ELAPOR2: variants seen among roughly 807,000 people sequenced by gnomAD.
ELAPOR2 encodes endosome/lysosome-associated apoptosis and autophagy regulator family member 2.
ELAPOR2 carries 89 observed loss-of-function variants against 120.7 expected under a neutral mutation model. The observed-to-expected ratio is 0.74, with a 90% CI of 0.62 to 0.88. ELAPOR2 has a LOEUF of 0.88. ELAPOR2 is among the 40% of genes least tolerant of loss of function. ELAPOR2 has a pLI of 0.00. For missense variants in ELAPOR2, 1,134 were observed against 1,251.6 expected (o/e 0.91, Z 1.42); for synonymous variants, 444 against 444.9 (o/e 1.00, Z 0.03).
rs910682405 is a variant in ELAPOR2 at position 86,914,927 on chromosome 7, T to C, written c.1594-67A>G. Reference sequence around the variant, plus strand: ...CTCAACATTAATATACCTGTGTATATATTACAAATGTATTCATATTTAAAG... The same window carrying C: ...CTCAACATTAATATACCTGTGTATACATTACAAATGTATTCATATTTAAAG... On this transcript the variant is annotated intron_variant, in intron 12 of 21. Coordinates refer to ENST00000450689, the MANE Select transcript of ELAPOR2 (RefSeq NM_001142749.3). 19 of 1,212,598 alleles carry C rather than the reference T, an allele frequency of 1.6e-5. No individual in the cohort carries two copies. In the African/African-American group the frequency reaches 1.7e-4, roughly 11 times the overall value. 75.1% of individuals were successfully genotyped at this position (1,212,598 alleles called of 1,614,324 possible).
At chr7:86,948,640 A>G (rs939321160) in intron 2 of ELAPOR2, among the ~76,000 whole-genome samples, 2 of 151,958 alleles carry the variant, frequency 1.3e-5, no homozygotes, top group African/African-American at 4.8e-5. Flanking sequence ...TCTACCACCT[A>G]TATCTTATTT....
At chr7:86,998,802 A>T (rs963218016) in intron 1 of ELAPOR2, among the ~76,000 whole-genome samples, 4 of 152,102 alleles carry the variant, frequency 2.6e-5, no homozygotes, top group Non-Finnish European at 5.9e-5. Flanking sequence ...CCAAATTTTT[A>T]AAAAATCTAT....
chr7:86,904,344 G>A lies in ELAPOR2; in HGVS notation c.2558+3326C>T, dbSNP rs1788867317. The stretch of plus-strand genomic sequence containing the variant: ...GAGCCTTCAGTTCCTCTATCTCCCT[G>A]AGATAATGATTAGAGGTTTGGGAAG... On this transcript the variant is annotated intron_variant, in intron 18 of 21. Transcript: ENST00000450689. Among the ~76,000 whole-genome samples the A allele has an allele frequency of 2.0e-5, 3 of 152,294 alleles. No homozygotes were observed. In the South Asian group the frequency reaches 6.2e-4, roughly 32 times the overall value.
At chr7:87,024,298 C>T (rs1466257895) in intron 1 of ELAPOR2, among the ~76,000 whole-genome samples, 10 of 152,206 alleles carry the variant, frequency 6.6e-5, no homozygotes, top group South Asian at 4.1e-4. Flanking sequence ...TGTCAAAGGC[C>T]TTTTCTGCAT....
rs397698585 is a variant in ELAPOR2, at chr7:86,926,920, CAAA to C, written c.1090-7_1090-5del. The C allele has an allele frequency of 0.014, 11,864 of 876,500 alleles. No homozygotes were observed. Among genetic ancestry groups the C allele is most frequent in the East Asian group, 0.03 (659 of 21,628 alleles). The allele number at this position is 876,500 out of a possible 1,614,324, so 54.3% of individuals were successfully genotyped here. On this transcript the variant is annotated splice_polypyrimidine_tract_variant and splice_region_variant and intron_variant, in intron 8 of 21. Transcript: ENST00000450689. ...TCCACTTGTACATTATCTGTGTCTA[CAAA>C]AAAAAAAAAAAAAAAAAAGCAACCA...
At chr7:86,894,395 T>C (rs1296675066) in intron 19 of ELAPOR2, among the ~76,000 whole-genome samples, 2 of 152,044 alleles carry the variant, frequency 1.3e-5, no homozygotes, top group East Asian at 3.9e-4. Context: ...AGAAACAAAT[T>C]CGTCAGCAAA....
intron 1 of ELAPOR2, among the ~76,000 whole-genome samples, chr7:86,997,357 T>G (rs943998466): frequency 1.3e-5 from 2 of 152,190 alleles, no homozygotes; most frequent in African/African-American, 4.8e-5. Flanking sequence ...GTGCTAAATC[T>G]GATTTCAACT....
chr7:86,900,904 T>C (rs1247207780), intron 18 of ELAPOR2, among the ~76,000 whole-genome samples: 2 of 152,054 alleles, frequency 1.3e-5, no homozygotes, highest in African/African-American at 4.8e-5. Context: ...AACAGTAAAA[T>C]AGATAAATGT....
At chr7:86,987,300 A>T (rs1314224610) in intron 1 of ELAPOR2, among the ~76,000 whole-genome samples, 1 of 152,166 alleles carries the variant, frequency 6.6e-6, no homozygotes, top group Non-Finnish European at 1.5e-5. Context: ...GGACTTCATG[A>T]TGAAAACACC....
At chr7:87,043,068 T>C (rs1018279223) in intron 1 of ELAPOR2, among the ~76,000 whole-genome samples, 2 of 151,968 alleles carry the variant, frequency 1.3e-5, no homozygotes, top group Non-Finnish European at 2.9e-5. Flanking sequence ...CAGGAAGAAG[T>C]TGAATCTCTG....
At chr7:87,042,493 C>A (rs554652549) in intron 1 of ELAPOR2, among the ~76,000 whole-genome samples, 3 of 151,782 alleles carry the variant, frequency 2.0e-5, no homozygotes, top group Admixed American at 6.5e-5. Flanking sequence ...AATTGAACAA[C>A]CTGCTCCTGA....
At chr7:86,934,059 T>C (rs990760319) in intron 8 of ELAPOR2, among the ~76,000 whole-genome samples, 2 of 152,154 alleles carry the variant, frequency 1.3e-5, no homozygotes, top group South Asian at 2.1e-4. Context: ...GATAATTTTG[T>C]AGTGAATGTT....
At chr7:87,054,876 GACAC>G (rs1055233604) in intron 1 of ELAPOR2, among the ~76,000 whole-genome samples, 4 of 152,264 alleles carry the variant, frequency 2.6e-5, no homozygotes, top group Non-Finnish European at 2.9e-5. Context: ...TCGGGCAACT[GACAC>G]ACAATGAGCC....
chr7:87,009,533 A>C (rs1307015231), intron 1 of ELAPOR2, among the ~76,000 whole-genome samples: 1 of 152,202 alleles, frequency 6.6e-6, no homozygotes, highest in Non-Finnish European at 1.5e-5. Flanking sequence ...CATAAATTTA[A>C]TATAGTCAGT....
intron 1 of ELAPOR2, among the ~76,000 whole-genome samples, chr7:87,048,136 C>T (rs1160011556): frequency 2.0e-5 from 3 of 151,722 alleles, no homozygotes; most frequent in Non-Finnish European, 2.9e-5. Context: ...CCCAGCTACT[C>T]GGGAAGCTGA....
intron 1 of ELAPOR2, among the ~76,000 whole-genome samples, chr7:87,005,365 T>G: frequency 6.6e-6 from 1 of 152,170 alleles, no homozygotes; most frequent in Non-Finnish European, 1.5e-5. Context: ...GGAAGCCTTC[T>G]ATATTGGCAA....
intron 2 of ELAPOR2, among the ~76,000 whole-genome samples, chr7:86,952,957 G>A (rs908002407): frequency 7.2e-5 from 11 of 151,832 alleles, no homozygotes; most frequent in African/African-American, 1.9e-4. Context: ...TTAGCCAGGC[G>A]AGGTGGCGCA....
Position 86,919,504 on chromosome 7 carries a change from A to G in ELAPOR2, c.1400-194T>C, listed in dbSNP as rs188120362. Among the ~76,000 whole-genome samples the G allele has an allele frequency of 2.4e-3, 365 of 152,302 alleles. 1 individual carries two copies. The highest frequency in any genetic ancestry group is 3.9e-3 in the Non-Finnish European group (263 of 68,026). On this transcript the variant is annotated intron_variant, in intron 10 of 21. Transcript: ENST00000450689. The stretch of plus-strand genomic sequence containing the variant: ...GTAGATGTTCCAAGAGGAACCAAGC[A>G]ATGCATTATTTTGAATAAAAGATAC...
chr7:87,011,878 A>C lies in ELAPOR2; in HGVS notation c.190-46854T>G, dbSNP rs1052084232. ...ATATATTATATACTTCTGAATAGAA[A>C]TATAAGCTATAAATGCAAGTCACAT... On this transcript the variant is annotated intron_variant, in intron 1 of 21. Coordinates refer to ENST00000450689, the MANE Select transcript of ELAPOR2 (RefSeq NM_001142749.3). 2.0e-5 allele frequency among the ~76,000 whole-genome samples: 3 copies of C among 152,250 alleles called. 1 individual carries two copies. The highest frequency in any genetic ancestry group is 4.4e-5 in the Non-Finnish European group (3 of 68,046).
Sources: allele counts gnomAD v4.1 joint callset (sites outside exome capture counted in the v4.1 genomes callset), GRCh38; gene constraint gnomAD v4.1.1; transcripts MANE v1.5; gene names NCBI Gene and HGNC (gene_info 2026-07-23, HGNC 2026-07-21).